SHC3: variants seen among roughly 807,000 people sequenced by gnomAD.
The protein encoded by SHC3 is SHC adaptor protein 3, also known as SHC-transforming protein 3.
SHC3 carries 15 observed loss-of-function variants against 60.4 expected under a neutral mutation model. That is an observed-to-expected ratio of 0.25 (90% CI 0.17 to 0.38). SHC3 has a LOEUF of 0.38. SHC3 is among the 10% of genes least tolerant of loss of function. SHC3 has a pLI of 1.00. For synonymous variants in SHC3, 294 were observed against 325.9 expected, an observed-to-expected ratio of 0.90 and a Z score of 1.05; for missense variants, 677 against 786.1, an observed-to-expected ratio of 0.86 and a Z score of 1.66.
chr9:89,029,006 TAG>T (rs139675524), intron 11 of SHC3, among the ~76,000 whole-genome samples: 5,413 of 150,284 alleles, frequency 0.036, 314 homozygotes, highest in African/African-American at 0.13. Flanking sequence ...TAGATATCTA[TAG>T]AGAGAGATAA....
intron 11 of SHC3, among the ~76,000 whole-genome samples, chr9:89,026,795 C>T (rs1411083070): frequency 6.6e-6 from 1 of 152,222 alleles, no homozygotes; most frequent in Non-Finnish European, 1.5e-5. Context: ...AGGAGTGAGC[C>T]TGACCTTGAA....
chr9:89,098,056 T>G (rs55954145), intron 2 of SHC3, among the ~76,000 whole-genome samples: 14,848 of 152,228 alleles, frequency 0.098, 816 homozygotes, highest in Admixed American at 0.13. Flanking sequence ...GATAATGCAC[T>G]GGGAAGGACA....
chr9:89,048,291 C>T (rs1824806680), intron 7 of SHC3, among the ~76,000 whole-genome samples: 1 of 147,898 alleles, frequency 6.8e-6, no homozygotes, highest in Non-Finnish European at 1.5e-5. Context: ...AAACTAATGA[C>T]TGGATGAACA....
At chr9:89,017,993 A>C (rs1057332874) in intron 11 of SHC3, among the ~76,000 whole-genome samples, 14 of 152,218 alleles carry the variant, frequency 9.2e-5, no homozygotes, top group Non-Finnish European at 1.5e-4. Context: ...AGGAAACAAC[A>C]GATGCTGGAG....
chr9:89,075,777 TA>T (rs1825348998), intron 3 of SHC3, among the ~76,000 whole-genome samples: 1 of 152,146 alleles, frequency 6.6e-6, no homozygotes. Context: ...ACTGTCCTCT[TA>T]AAAACCCATG....
intron 2 of SHC3, among the ~76,000 whole-genome samples, chr9:89,083,158 C>T (rs983874798): frequency 5.3e-5 from 8 of 152,184 alleles, no homozygotes; most frequent in African/African-American, 1.9e-4. Context: ...AGGCTGCACT[C>T]CCCAGAAGCC....
At chr9:89,142,305 A>G (rs1826404607) in intron 1 of SHC3, among the ~76,000 whole-genome samples, 1 of 152,168 alleles carries the variant, frequency 6.6e-6, no homozygotes, top group Non-Finnish European at 1.5e-5. Flanking sequence ...TGCACTTGTA[A>G]TAACAGCACT....
chr9:89,027,327 A>ATTTTTT lies in SHC3; in HGVS notation c.1656+10660_1656+10665dup, dbSNP rs540788767. 1.5e-5 allele frequency among the ~76,000 whole-genome samples: 2 copies of ATTTTTT among 130,386 alleles called. 1 individual carries two copies. Among genetic ancestry groups the ATTTTTT allele is most frequent in the African/African-American group, 6.3e-5 (2 of 31,822 alleles). The allele number at this position is 130,386 out of a possible 152,430, so 85.5% of individuals were successfully genotyped here. A position where few individuals can be genotyped will look rare whatever the true frequency, so the allele number is the denominator to read the frequency against. On this transcript the variant is annotated intron_variant, in intron 11 of 11. Transcript: ENST00000375835. ...ACAACTAGTGATGGGTGAAATTCTG[A>ATTTTTT]TTTTTTTTTTTTGAGACTGAGTCTC...
intron 2 of SHC3, among the ~76,000 whole-genome samples, chr9:89,108,545 A>ACC (rs1825899261): frequency 1.3e-5 from 2 of 151,782 alleles, no homozygotes; most frequent in Admixed American, 1.3e-4. Flanking sequence ...ATACATACAC[A>ACC]CACACACACA....
intron 11 of SHC3, chr9:89,037,245 C>A (rs1042254766): frequency 2.0e-5 from 9 of 457,828 alleles, no homozygotes; most frequent in Admixed American, 1.6e-4. Context: ...GGCTTCATCC[C>A]TCCCTGTCAA....
chr9:89,019,377 G>C (rs1365378792), intron 11 of SHC3, among the ~76,000 whole-genome samples: 4 of 151,964 alleles, frequency 2.6e-5, no homozygotes, highest in Non-Finnish European at 5.9e-5. Flanking sequence ...TGTGGCCTGT[G>C]GTCAGAAGGC....
At chr9:89,075,279 G>A (rs1000410942) in intron 3 of SHC3, 51 bp from the exon 4 acceptor site, 3 of 1,598,622 alleles carry the variant, frequency 1.9e-6, no homozygotes, top group African/African-American at 1.3e-5. Context: ...ATCTCAAAGG[G>A]TGGGGATGTG....
intron 2 of SHC3, among the ~76,000 whole-genome samples, chr9:89,089,411 G>T (rs900769135): frequency 6.6e-6 from 1 of 152,260 alleles, no homozygotes. Flanking sequence ...TGGAGCCTGG[G>T]GGGTGGAGCA....
At chr9:89,124,708 G>A (rs1368089465) in intron 1 of SHC3, among the ~76,000 whole-genome samples, 1 of 152,082 alleles carries the variant, frequency 6.6e-6, no homozygotes, top group African/African-American at 2.4e-5. Flanking sequence ...GAAGGGGAAG[G>A]AGAGCGTTAG....
At chr9:89,017,797 A>T (rs1257242739) in intron 11 of SHC3, among the ~76,000 whole-genome samples, 5 of 152,248 alleles carry the variant, frequency 3.3e-5, no homozygotes, top group Admixed American at 3.3e-4. Flanking sequence ...AAACAAAGTT[A>T]CATGAAAAAA....
intron 1 of SHC3, among the ~76,000 whole-genome samples, chr9:89,147,298 C>T (rs1231199123): frequency 2.0e-5 from 3 of 152,152 alleles, no homozygotes; most frequent in Non-Finnish European, 4.4e-5. Flanking sequence ...TGAGGTTCTA[C>T]ATTCACTGAT....
intron 1 of SHC3, among the ~76,000 whole-genome samples, chr9:89,172,991 G>A (rs547960405): frequency 6.6e-5 from 10 of 152,246 alleles, no homozygotes; most frequent in East Asian, 5.8e-4. Flanking sequence ...CCCTGGGCCC[G>A]TCTCTTCCAA....
chr9:89,102,893 CAA>C (rs1317406288), intron 2 of SHC3, among the ~76,000 whole-genome samples: 1 of 152,140 alleles, frequency 6.6e-6, no homozygotes, highest in African/African-American at 2.4e-5. Flanking sequence ...GCAATGAAAT[CAA>C]AGTCTCCAGA....
At chr9:89,081,184 AC>A (rs1333171410) in intron 2 of SHC3, among the ~76,000 whole-genome samples, 1 of 152,210 alleles carries the variant, frequency 6.6e-6, no homozygotes. Flanking sequence ...AAAATATGTA[AC>A]ATTTCACAGT....
Sources: allele counts gnomAD v4.1 joint callset (sites outside exome capture counted in the v4.1 genomes callset), GRCh38; gene constraint gnomAD v4.1.1; transcripts MANE v1.5; gene names NCBI Gene and HGNC (gene_info 2026-07-23, HGNC 2026-07-21).